Variants in IPO11 observed in about 807,000 individuals in gnomAD.
The protein encoded by IPO11 is importin-11.
A neutral mutation model predicts 143.2 loss-of-function variants in IPO11; 66 were observed. That is an observed-to-expected ratio of 0.46 (90% CI 0.38 to 0.57). The LOEUF is 0.57. IPO11 is among the 20% of genes least tolerant of loss of function. The pLI is 0.00. For synonymous variants in IPO11, 385 were observed against 377.8 expected (o/e 1.02, Z -0.22); for missense variants, 1,026 against 1,141.0 (o/e 0.90, Z 1.45).
intron 29 of IPO11, among the ~76,000 whole-genome samples, chr5:62,620,902 G>T (rs1292640979): frequency 6.6e-6 from 1 of 152,230 alleles, no homozygotes; most frequent in African/African-American, 2.4e-5. Flanking sequence ...GATGGTGGGT[G>T]GCGGAGGGCC....
In IPO11 at chr5:62,483,126, C is replaced by G. The variant is rs1477435611; in HGVS notation, c.854C>G (p.Pro285Arg). The change falls in exon 10 of 30, where the codon CCT becomes CGT. Residue 285 changes from proline (P) to arginine (R), a missense_variant. Pro to Arg is a moderately radical substitution (Grantham distance 103, BLOSUM62 -2). Coordinates refer to ENST00000325324, the MANE Select transcript of IPO11 (RefSeq NM_016338.5). ...CTTTTGGACTTCTTGGATCAGCATCCTTTTTCATTTACTCCTCTAATTCAG... is the reference window on the plus strand; with the variant it reads ...CTTTTGGACTTCTTGGATCAGCATCGTTTTTCATTTACTCCTCTAATTCAG... ...KVLLDFLDQH[P>R]FSFTPLIQRS... is the part of the protein sequence containing the mutation. The G allele has an allele frequency of 6.2e-7, 1 of 1,601,042 alleles. No individual in the cohort carries two copies. Among genetic ancestry groups the G allele is most frequent in the Admixed American group, 1.7e-5 (1 of 58,374 alleles).
chr5:62,461,737 C>T (rs1433809884), intron 5 of IPO11, among the ~76,000 whole-genome samples: 1 of 152,182 alleles, frequency 6.6e-6, no homozygotes, highest in African/African-American at 2.4e-5. Flanking sequence ...GTGTGCCAGG[C>T]ATCTTATGTG....
At chr5:62,511,333 T>C (rs936227806) in intron 19 of IPO11, among the ~76,000 whole-genome samples, 27 of 152,204 alleles carry the variant, frequency 1.8e-4, no homozygotes, top group African/African-American at 6.3e-4. Context: ...TAATCTGTTT[T>C]TACTTATTAA....
chr5:62,445,938 T>C (rs1744704731), intron 3 of IPO11, among the ~76,000 whole-genome samples: 1 of 152,162 alleles, frequency 6.6e-6, no homozygotes, highest in South Asian at 2.1e-4. Flanking sequence ...TAAACCTGGC[T>C]CCTTGGCATA....
At chr5:62,600,808 CACCAGTGGGCACTG>C (rs1745478895) in intron 28 of IPO11, among the ~76,000 whole-genome samples, 2 of 152,172 alleles carry the variant, frequency 1.3e-5, no homozygotes, top group African/African-American at 4.8e-5. Context: ...TCTTTGATCC[CACCAGTGGGCACTG>C]ACTGGATCAG....
intron 1 of IPO11, among the ~76,000 whole-genome samples, chr5:62,425,738 AC>A (rs1367912162): frequency 6.6e-6 from 1 of 152,226 alleles, no homozygotes; most frequent in Admixed American, 6.5e-5. Flanking sequence ...AAGTAAAGAT[AC>A]GATTGCTAAC....
intron 26 of IPO11, among the ~76,000 whole-genome samples, chr5:62,559,953 A>G (rs1485362452): frequency 8.0e-5 from 12 of 149,918 alleles, no homozygotes; most frequent in African/African-American, 3.0e-4. Flanking sequence ...GAGAGAGAAA[A>G]ACAACTCTTA....
rs528463287 is a variant in IPO11, at chr5:62,494,863, C to T, written c.1590+739C>T. On this transcript the variant is annotated intron_variant, in intron 16 of 29. Transcript: ENST00000325324. The stretch of plus-strand genomic sequence containing the variant: ...AAATTAAGTGATTTTTTTTTTCTCC[C>T]CTGAGTTGTGCTAAGATCTTTTTTA... Among the ~76,000 whole-genome samples the T allele has an allele frequency of 1.7e-4, 25 of 151,428 alleles. No individual in the cohort carries two copies. In the South Asian group the frequency reaches 5.2e-3, roughly 31 times the overall value.
intron 9 of IPO11, among the ~76,000 whole-genome samples, chr5:62,479,968 C>T (rs1746124723): frequency 6.6e-6 from 1 of 152,106 alleles, no homozygotes; most frequent in African/African-American, 2.4e-5. Flanking sequence ...TCAATTTTGG[C>T]TTTTGTTGCC....
chr5:62,539,666 C>A (rs750772492), intron 24 of IPO11, among the ~76,000 whole-genome samples: 1 of 152,160 alleles, frequency 6.6e-6, no homozygotes, highest in Non-Finnish European at 1.5e-5. Context: ...GTCTATTAAT[C>A]CACATTTATT....
At chr5:62,572,145 C>G (rs1008350118) in intron 27 of IPO11, among the ~76,000 whole-genome samples, 19 of 152,226 alleles carry the variant, frequency 1.2e-4, no homozygotes, top group Admixed American at 1.3e-4. Context: ...CCTAATTTTT[C>G]TATTCCACAA....
intron 29 of IPO11, among the ~76,000 whole-genome samples, chr5:62,609,809 T>G (rs1467274165): frequency 6.6e-6 from 1 of 152,226 alleles, no homozygotes; most frequent in Admixed American, 6.5e-5. Context: ...CATAATTCAG[T>G]GTCCTAATGT....
rs952616772 is a variant in IPO11, at chr5:62,452,642, CT to C, written c.516+717del. Among the ~76,000 whole-genome samples, 24 of 141,674 alleles carry C rather than the reference CT, an allele frequency of 1.7e-4. 1 individual carries two copies. The highest frequency in any genetic ancestry group is 2.8e-4 in the African/African-American group (10 of 35,366). 92.9% of individuals were successfully genotyped at this position (141,674 alleles called of 152,430 possible). A position where few individuals can be genotyped will look rare whatever the true frequency, so the allele number is the denominator to read the frequency against. On this transcript the variant is annotated intron_variant, in intron 5 of 29. Transcript: ENST00000325324. ...CAGCCTTTTATCAGGTTTTTTGCAC[CT>C]TTTTTTTGGTTTTGGGTTCGTGTGT...
At chr5:62,547,597 C>A (rs1743248758) in intron 24 of IPO11, among the ~76,000 whole-genome samples, 1 of 152,076 alleles carries the variant, frequency 6.6e-6, no homozygotes, top group African/African-American at 2.4e-5. Flanking sequence ...CGGTTCCAGA[C>A]CTTTTAGACC....
At chr5:62,585,335 A>G (rs1317324671) in intron 27 of IPO11, among the ~76,000 whole-genome samples, 3 of 152,208 alleles carry the variant, frequency 2.0e-5, no homozygotes. Flanking sequence ...ACCATTGTCT[A>G]GAATCAGGAC....
At chr5:62,517,940 A>G (rs191389847) in intron 20 of IPO11, among the ~76,000 whole-genome samples, 288 of 152,304 alleles carry the variant, frequency 1.9e-3, no homozygotes, top group Non-Finnish European at 3.2e-3. Context: ...GAGAAAGCAT[A>G]TAACATAATA....
intron 16 of IPO11, among the ~76,000 whole-genome samples, chr5:62,497,758 C>T (rs953715884): frequency 3.3e-5 from 5 of 152,284 alleles, no homozygotes; most frequent in East Asian, 1.9e-4. Context: ...ATTGGCCCCT[C>T]GGCCTGGAAA....
intron 29 of IPO11, among the ~76,000 whole-genome samples, chr5:62,605,192 CATT>C (rs1406893424): frequency 4.6e-5 from 7 of 152,184 alleles, no homozygotes; most frequent in African/African-American, 1.2e-4. Flanking sequence ...CGCTTACTGT[CATT>C]GTTGTCTTAA....
chr5:62,543,403 G>A (rs184250688), intron 24 of IPO11, among the ~76,000 whole-genome samples: 102 of 152,144 alleles, frequency 6.7e-4, no homozygotes, highest in African/African-American at 2.4e-3. Context: ...TTCTTCCTGG[G>A]TTAGTCTTGG....
Sources: allele counts gnomAD v4.1 joint callset (sites outside exome capture counted in the v4.1 genomes callset), GRCh38; gene constraint gnomAD v4.1.1; transcripts MANE v1.5; gene names NCBI Gene and HGNC (gene_info 2026-07-23, HGNC 2026-07-21).